EIF4G3: variants seen among roughly 807,000 people sequenced by gnomAD.
EIF4G3 encodes eIF-4-gamma 3.
A neutral mutation model predicts 186.4 loss-of-function variants in EIF4G3; 34 were observed. The observed-to-expected ratio is 0.18, with a 90% CI of 0.14 to 0.24. EIF4G3 has a LOEUF of 0.24. Among genes scored for constraint, EIF4G3 ranks in the 10% least tolerant of loss-of-function variants. The pLI, the probability that EIF4G3 is intolerant of heterozygous loss-of-function variation, is 1.00. For missense variants in EIF4G3, 1,536 were observed against 1,948.5 expected (o/e 0.79, Z 3.99); for synonymous variants, 673 against 679.5 (o/e 0.99, Z 0.15).
chr1:20,865,575 A>T (rs77736375), intron 20 of EIF4G3, among the ~76,000 whole-genome samples: 2 of 151,886 alleles, frequency 1.3e-5, no homozygotes, highest in African/African-American at 4.8e-5. Context: ...AAAAAAAAAA[A>T]CTGTGTAGAG....
At chr1:20,982,307 C>A in intron 8 of EIF4G3, 81 bp downstream of exon 8, 2 of 942,926 alleles carry the variant, frequency 2.1e-6, no homozygotes, top group Non-Finnish European at 3.1e-6. Flanking sequence ...GTGAATGTAT[C>A]CATTCATTAG....
chr1:20,909,810 C>G (rs1299915829), intron 14 of EIF4G3, among the ~76,000 whole-genome samples: 2 of 123,714 alleles, frequency 1.6e-5, no homozygotes, highest in Admixed American at 9.1e-5. Context: ...GAGACATGGT[C>G]TTCCTTTGTT....
At chr1:20,986,938 G>A (rs1487699473) in intron 7 of EIF4G3, among the ~76,000 whole-genome samples, 1 of 151,954 alleles carries the variant, frequency 6.6e-6, no homozygotes, top group Non-Finnish European at 1.5e-5. Flanking sequence ...TACACCAGAA[G>A]GATGGCAGAG....
intron 4 of EIF4G3, among the ~76,000 whole-genome samples, chr1:21,009,876 A>C (rs1294125818): frequency 6.6e-6 from 1 of 151,518 alleles, no homozygotes; most frequent in African/African-American, 2.4e-5. Context: ...GCTGGTCTCA[A>C]ACTCCTGACC....
At chr1:21,047,992 G>A (rs2154576179) in intron 4 of EIF4G3, among the ~76,000 whole-genome samples, 1 of 152,278 alleles carries the variant, frequency 6.6e-6, no homozygotes, top group East Asian at 1.9e-4. Context: ...TCATTCATTA[G>A]ATTAGGCAAA....
chr1:21,050,890 A>G lies in EIF4G3; in HGVS notation c.-91T>C, dbSNP rs1179635943. 2 of 711,852 alleles carry G rather than the reference A, an allele frequency of 2.8e-6. No individual in the cohort carries two copies. Among genetic ancestry groups the G allele is most frequent in the South Asian group, 3.0e-5 (2 of 66,158 alleles). The allele number at this position is 711,852 out of a possible 1,614,324, so 44.1% of individuals were successfully genotyped here. On this transcript the variant is annotated 5_prime_UTR_variant, in exon 4 of 37. It removes an upstream start codon present in the reference 5' UTR. Coordinates refer to ENST00000602326, the MANE Select transcript of EIF4G3 (RefSeq NM_001391906.1). ...CTTGAGAGAGTCCAGGGGACGATGCATGTCCCGGGGGCGTTGCCGCAAGAT... is the reference window on the plus strand; with the variant it reads ...CTTGAGAGAGTCCAGGGGACGATGCGTGTCCCGGGGGCGTTGCCGCAAGAT...
intron 2 of EIF4G3, among the ~76,000 whole-genome samples, chr1:21,163,662 C>T (rs569317913): frequency 3.1e-4 from 47 of 152,288 alleles, no homozygotes; most frequent in Middle Eastern, 3.4e-3. Flanking sequence ...TTTTATTACA[C>T]CTAAGGGTAA....
chr1:21,084,703 T>C (rs899506254), intron 3 of EIF4G3, among the ~76,000 whole-genome samples: 4 of 152,162 alleles, frequency 2.6e-5, no homozygotes, highest in Non-Finnish European at 5.9e-5. Context: ...ACAAATGTTT[T>C]TTTTTTCCTA....
At chr1:21,087,704 G>A (rs528003372) in intron 3 of EIF4G3, among the ~76,000 whole-genome samples, 3 of 152,032 alleles carry the variant, frequency 2.0e-5, no homozygotes, top group Non-Finnish European at 4.4e-5. Context: ...CACGATCTCA[G>A]CTCACTGCAA....
intron 29 of EIF4G3, among the ~76,000 whole-genome samples, chr1:20,845,641 A>G (rs576126045): frequency 9.9e-5 from 15 of 152,202 alleles, no homozygotes; most frequent in East Asian, 7.7e-4. Flanking sequence ...CAGCCTGGGC[A>G]ACAGTGCAAG....
intron 4 of EIF4G3, among the ~76,000 whole-genome samples, chr1:21,034,955 C>T (rs924182525): frequency 3.3e-5 from 5 of 152,072 alleles, no homozygotes; most frequent in Non-Finnish European, 5.9e-5. Flanking sequence ...TGCAGGGGGA[C>T]CCTGCAACGA....
chr1:20,808,398 G>A (rs12734856), intron 36 of EIF4G3, among the ~76,000 whole-genome samples: 3,427 of 151,920 alleles, frequency 0.023, 73 homozygotes, highest in Non-Finnish European at 0.031. Context: ...AAATGAAGAG[G>A]TGGCCGGGCG....
intron 19 of EIF4G3, among the ~76,000 whole-genome samples, chr1:20,880,923 C>A (rs891659673): frequency 1.3e-5 from 2 of 152,092 alleles, no homozygotes; most frequent in East Asian, 3.8e-4. Flanking sequence ...TAATCCAAAT[C>A]CTAATAGGGC....
chr1:20,985,487 T>TCTAGAAAAGCCGTAATGA (rs2079256391), intron 7 of EIF4G3, among the ~76,000 whole-genome samples: 1 of 150,950 alleles, frequency 6.6e-6, no homozygotes, highest in Admixed American at 6.6e-5. Flanking sequence ...CAGAAGAGAT[T>TCTAGAAAAGCCGTAATGA]CTAGAAAAGC....
intron 14 of EIF4G3, among the ~76,000 whole-genome samples, chr1:20,924,153 C>G (rs1359357057): frequency 6.6e-6 from 1 of 152,000 alleles, no homozygotes; most frequent in Non-Finnish European, 1.5e-5. Flanking sequence ...AATAGGCAGT[C>G]AAAAGGGTAT....
intron 2 of EIF4G3, among the ~76,000 whole-genome samples, chr1:21,129,865 C>T (rs894107608): frequency 6.6e-6 from 1 of 152,060 alleles, no homozygotes; most frequent in African/African-American, 2.4e-5. Flanking sequence ...AAATATAAGA[C>T]AAACTGGCTG....
intron 12 of EIF4G3, among the ~76,000 whole-genome samples, chr1:20,960,629 T>C (rs947554696): frequency 1.3e-5 from 2 of 152,042 alleles, no homozygotes; most frequent in African/African-American, 2.4e-5. Flanking sequence ...GGCATGTGCA[T>C]GTAGTCCCAG....
intron 4 of EIF4G3, among the ~76,000 whole-genome samples, chr1:21,040,324 G>GTTGC (rs2093491146): frequency 6.6e-6 from 1 of 152,206 alleles, no homozygotes; most frequent in Non-Finnish European, 1.5e-5. Context: ...CTGGAGGGTG[G>GTTGC]TGCACCAAGG....
intron 4 of EIF4G3, among the ~76,000 whole-genome samples, chr1:21,039,338 C>G (rs748077297): frequency 2.6e-5 from 4 of 151,960 alleles, no homozygotes; most frequent in African/African-American, 4.8e-5. Flanking sequence ...CACAGAAAAA[C>G]AAAATTTTTA....
Sources: allele counts gnomAD v4.1 joint callset (sites outside exome capture counted in the v4.1 genomes callset), GRCh38; gene constraint gnomAD v4.1.1; transcripts MANE v1.5; gene names NCBI Gene and HGNC (gene_info 2026-07-23, HGNC 2026-07-21).